The following TRIP12 variants were observed in gnomAD, a reference collection of about 807,000 sequenced individuals.
TRIP12 encodes the protein E3 ubiquitin-protein ligase TRIP12.
Under a neutral mutation model 244.2 loss-of-function variants are expected in TRIP12, and 25 were observed. That is an observed-to-expected ratio of 0.10 (90% CI 0.07 to 0.14). TRIP12 has a LOEUF of 0.14. Ranked by LOEUF, TRIP12 falls within the 10% of genes least tolerant of loss-of-function variation. The probability of loss-of-function intolerance (pLI) is 1.00; values close to 1 mark genes in which losing one functional copy is unlikely to be tolerated. For synonymous variants in TRIP12, 905 were observed against 873.1 expected, an observed-to-expected ratio of 1.04 and a Z score of -0.64; for missense variants, 1,677 against 2,486.4, an observed-to-expected ratio of 0.67 and a Z score of 6.92.
At chr2:229,769,611 A>G (rs925473682) in intron 39 of TRIP12, among the ~76,000 whole-genome samples, 1 of 152,102 alleles carries the variant, frequency 6.6e-6, no homozygotes, top group African/African-American at 2.4e-5. Context: ...CCTTGATTTC[A>G]GTTTTCCTTT....
upstream of TRIP12, chr2:229,922,085 T>C (rs1577303597): frequency 6.2e-6 from 1 of 161,576 alleles, no homozygotes; most frequent in Non-Finnish European, 1.4e-5. Context: ...AACTACTTTG[T>C]CCTCGGGCTC....
chr2:229,877,126 G>T (rs1442343396), intron 2 of TRIP12, among the ~76,000 whole-genome samples: 2 of 152,066 alleles, frequency 1.3e-5, no homozygotes, highest in East Asian at 3.9e-4. Context: ...CATACTGGCA[G>T]GCGCCTGTCT....
At chr2:229,769,151 G>A (rs747605152) in intron 40 of TRIP12, 80 bp downstream of exon 40, 7 of 1,205,532 alleles carry the variant, frequency 5.8e-6, no homozygotes, top group African/African-American at 1.6e-5. Context: ...GTTTACACAT[G>A]TGCGCATGTG....
At chr2:229,909,079 G>C in intron 1 of TRIP12, among the ~76,000 whole-genome samples, 1 of 110,128 alleles carries the variant, frequency 9.1e-6, no homozygotes, top group Non-Finnish European at 1.7e-5. Flanking sequence ...GACAGAGTGA[G>C]ACTCTGTCTC....
intron 2 of TRIP12, among the ~76,000 whole-genome samples, chr2:229,875,752 G>GT (rs1314272778): frequency 6.6e-6 from 1 of 152,290 alleles, no homozygotes; most frequent in East Asian, 1.9e-4. Flanking sequence ...TTGAATCACT[G>GT]TATCACTGTG....
chr2:229,816,085 T>C (rs1179232868), intron 9 of TRIP12, among the ~76,000 whole-genome samples: 3 of 152,128 alleles, frequency 2.0e-5, no homozygotes, highest in Middle Eastern at 3.2e-3. Context: ...TGTCTTCTGG[T>C]TCAATGGAAA....
intron 40 of TRIP12, 114 bp from the exon 41 acceptor site, chr2:229,768,833 T>TA: frequency 1.0e-6 from 1 of 963,632 alleles, no homozygotes; most frequent in Admixed American, 3.1e-5. Flanking sequence ...AAATTACACA[T>TA]ACATTTTCCA....
intron 26 of TRIP12, 153 bp downstream of exon 26, chr2:229,795,026 G>T: frequency 2.6e-6 from 2 of 778,432 alleles, no homozygotes; most frequent in Non-Finnish European, 3.9e-6. Flanking sequence ...GAAAGCATTT[G>T]ATTCATTCTT....
Position 229,815,090 on chromosome 2 carries a change from T to C in TRIP12, c.1731+9A>G, listed in dbSNP as rs2048176333. 6.2e-7 allele frequency: 1 copy of C among 1,601,812 alleles called. No individual in the cohort carries two copies. The highest frequency in any genetic ancestry group is 8.5e-7 in the Non-Finnish European group (1 of 1,174,620). On this transcript the variant is annotated intron_variant, in intron 11 of 41. Coordinates refer to ENST00000675903, the MANE Select transcript of TRIP12 (RefSeq NM_001348323.3). ...TGCTTTTGAACAAACGGGGTAAAAGTAGGATCACCTTTTCTAAAAAGACAG... is the reference window on the plus strand; with the variant it reads ...TGCTTTTGAACAAACGGGGTAAAAGCAGGATCACCTTTTCTAAAAAGACAG...
At chr2:229,859,763 C>G (rs1218265944) in intron 3 of TRIP12, among the ~76,000 whole-genome samples, 189 bp from the exon 4 acceptor site, 1 of 152,110 alleles carries the variant, frequency 6.6e-6, no homozygotes, top group South Asian at 2.1e-4. Context: ...ACTTTGGATA[C>G]TAAAATATCT....
At chr2:229,818,267 T>C in intron 9 of TRIP12, 97 bp downstream of exon 9, 1 of 1,323,298 alleles carries the variant, frequency 7.6e-7, no homozygotes, top group Non-Finnish European at 1.0e-6. Flanking sequence ...TATCATGTTT[T>C]AAAAATTAAT....
In TRIP12 at chr2:229,787,660, G is replaced by T. The variant is rs755224387; in HGVS notation, c.4840C>A (p.Pro1614Thr). Residue 1614 changes from proline to threonine, a missense_variant and splice_region_variant, in exon 33 of 42, where the codon CCA becomes ACA. Physicochemically the swap from Pro to Thr is conservative, Grantham distance 38. Around this residue, in one of 11 missense-constraint regions of TRIP12, gnomAD observed 265 missense variants for 370.8 expected, o/e 0.71. Transcript: ENST00000675903. ...CGGGTATCAAAAGGAAAGAAAAATG[G>T]GCTGTAAAAAGATGCAATGTAAGTT... ...TWLTELGKTC[P>T]FFFPFDTRQM... The T allele has an allele frequency of 1.9e-6, 3 of 1,597,806 alleles. No homozygotes were observed. The African/African-American group carries it at 4.0e-5, about 22-fold the overall frequency.
At position 229,873,042 on chromosome 2, in the gene TRIP12, G is replaced by A. The variant is rs184184699; in HGVS notation, c.98+6940C>T. Among the ~76,000 whole-genome samples, 178 of 152,156 alleles carry A rather than the reference G, an allele frequency of 1.2e-3. 1 individual carries two copies. Among genetic ancestry groups the A allele is most frequent in the Non-Finnish European group, 1.9e-3 (130 of 67,996 alleles). On this transcript the variant is annotated intron_variant, in intron 2 of 41. Coordinates refer to ENST00000675903, the MANE Select transcript of TRIP12 (RefSeq NM_001348323.3). The stretch of plus-strand genomic sequence containing the variant: ...AAATACAAAGAAAAAAATAATAGAA[G>A]GAGACTGCATCAAAAATTATTCTCA...
chr2:229,922,368 T>C (rs969535439), upstream of TRIP12: 6 of 761,002 alleles, frequency 7.9e-6, no homozygotes, highest in South Asian at 7.0e-5. Flanking sequence ...CCTAAGACCC[T>C]TGGAAGAGGG....
At chr2:229,865,327 AAAAAAAAAAAAAAAAAGAAAG>A (rs946326257) in intron 2 of TRIP12, among the ~76,000 whole-genome samples, 2 of 48,372 alleles carry the variant, frequency 4.1e-5, no homozygotes, top group South Asian at 1.3e-3. Flanking sequence ...ACAAAAAAAA[AAAAAAAAAAAAAAAAAGAAAG>A]AAAGAAAGCA....
chr2:229,876,897 T>G lies in TRIP12; in HGVS notation c.98+3085A>C, dbSNP rs564336372. Among the ~76,000 whole-genome samples the G allele has an allele frequency of 5.9e-5, 9 of 152,210 alleles. No homozygotes were observed. In the East Asian group the frequency reaches 1.6e-3, roughly 26 times the overall value. On this transcript the variant is annotated intron_variant, in intron 2 of 41. Transcript: ENST00000675903. ...TGATGACACATGATGTGTATTGCTATGTTGCCCAGGCTGGTCTCGAACTCC... is the reference window on the plus strand; with the variant it reads ...TGATGACACATGATGTGTATTGCTAGGTTGCCCAGGCTGGTCTCGAACTCC...
chr2:229,818,254 C>T, intron 9 of TRIP12, 110 bp downstream of exon 9: 6 of 1,212,230 alleles, frequency 4.9e-6, no homozygotes, highest in Non-Finnish European at 6.9e-6. Context: ...CCTCTCTTAA[C>T]TCTATCATGT....
chr2:229,774,149 T>C lies in TRIP12; in HGVS notation c.5642A>G (p.Lys1881Arg), dbSNP rs771960098. The change falls in exon 38 of 42, where the codon AAA (lysine) becomes AGA (arginine). Residue 1881 changes from lysine to arginine, a missense_variant. Lys to Arg is a conservative substitution (Grantham distance 26). Coordinates refer to ENST00000675903, the MANE Select transcript of TRIP12 (RefSeq NM_001348323.3). ...LPGFPNIELKKGGKDIPVTIH... is the reference protein window; with the variant it reads ...LPGFPNIELKRGGKDIPVTIH... ...AGTGACTGGTATATCCTTCCCTCCT[T>C]TCTTCAGTTCGATATTGGGAAACCC... is the stretch of plus-strand genomic sequence containing the variant. 6.2e-7 allele frequency: 1 copy of C among 1,614,166 alleles called. No homozygotes were observed. The highest frequency in any genetic ancestry group is 2.2e-5 in the East Asian group (1 of 44,880).
chr2:229,917,313 G>A (rs1004993779), intron 1 of TRIP12, among the ~76,000 whole-genome samples: 5 of 143,408 alleles, frequency 3.5e-5, no homozygotes, highest in East Asian at 2.1e-4. Context: ...CCCTGGAGGC[G>A]GAGCCTGCAG....
Sources: allele counts gnomAD v4.1 joint callset (sites outside exome capture counted in the v4.1 genomes callset), GRCh38; gene constraint gnomAD v4.1.1; regional missense constraint gnomAD v4.1.1; transcripts MANE v1.5; gene names NCBI Gene and HGNC (gene_info 2026-07-23, HGNC 2026-07-21).